GRM8: variants seen among roughly 807,000 people sequenced by gnomAD.
The protein encoded by GRM8 is metabotropic glutamate receptor 8.
Under a neutral mutation model 87.2 loss-of-function variants are expected in GRM8, and 47 were observed. The ratio of observed to expected loss-of-function variants is 0.54; its 90% CI spans 0.43 to 0.69. The LOEUF (loss-of-function observed/expected upper bound fraction) is 0.69, where lower values mean the gene tolerates loss of function less well. GRM8 is among the 30% of genes least tolerant of loss of function. The pLI is 0.00. For synonymous variants in GRM8, 396 were observed against 404.5 expected (o/e 0.98, Z 0.25); for missense variants, 1,019 against 1,139.2 (o/e 0.89, Z 1.52).
In GRM8 at chr7:126,685,664, T is replaced by A. The variant is rs1382516101; in HGVS notation, c.1358-76166A>T. Among the ~76,000 whole-genome samples the A allele has an allele frequency of 6.6e-6, 1 of 152,062 alleles. No homozygotes were observed. The highest frequency in any genetic ancestry group is 1.9e-4 in the East Asian group (1 of 5,144). Reference sequence around the variant, plus strand: ...AGTGACCCACCAACCCCTTGCTGCCTCGGCTCCCTCTAAACTTTGGCTGTG... The same window carrying A: ...AGTGACCCACCAACCCCTTGCTGCCACGGCTCCCTCTAAACTTTGGCTGTG... On this transcript the variant is annotated intron_variant, in intron 7 of 10. Coordinates refer to ENST00000339582, the MANE Select transcript of GRM8 (RefSeq NM_000845.3). The surrounding 1 kb of genome is among the most constrained non-coding windows in gnomAD (Gnocchi z 4.2).
chr7:126,564,703 AG>A (rs1433160029), intron 8 of GRM8, among the ~76,000 whole-genome samples: 5 of 152,174 alleles, frequency 3.3e-5, no homozygotes, highest in Admixed American at 2.6e-4. Context: ...AAAACTGAAG[AG>A]GAGAGAACAC....
In GRM8 at chr7:126,719,087, G is replaced by T. The variant is rs527717922; in HGVS notation, c.1357+50778C>A. ...AGATTAGCTACTGAAAAGGTGGGAG[G>T]GTTTAGAAAAATTATTAAAGCTCTG... On this transcript the variant is annotated intron_variant, in intron 7 of 10. Transcript: ENST00000339582. Among the ~76,000 whole-genome samples the T allele has an allele frequency of 7.9e-5, 12 of 151,992 alleles. No individual in the cohort carries two copies. The South Asian group carries it at 2.5e-3, about 32-fold the overall frequency.
chr7:127,141,955 C>G (rs1441997169), intron 2 of GRM8, among the ~76,000 whole-genome samples: 1 of 151,996 alleles, frequency 6.6e-6, no homozygotes, highest in Non-Finnish European at 1.5e-5. Flanking sequence ...GTCAAGAACT[C>G]TTAATACTAG....
intron 9 of GRM8, among the ~76,000 whole-genome samples, chr7:126,457,553 A>T (rs1803395744): frequency 6.6e-6 from 1 of 151,484 alleles, no homozygotes; most frequent in African/African-American, 2.4e-5. Context: ...TAAATAACAA[A>T]AGAAAATTGC....
chr7:126,881,534 G>C (rs930860279), intron 6 of GRM8, among the ~76,000 whole-genome samples: 6 of 152,184 alleles, frequency 3.9e-5, no homozygotes, highest in African/African-American at 1.4e-4. Context: ...AATGACAAGG[G>C]TCAGCTTCGC....
At chr7:127,026,665 T>C (rs1412243933) in intron 3 of GRM8, among the ~76,000 whole-genome samples, 2 of 152,220 alleles carry the variant, frequency 1.3e-5, no homozygotes, top group Non-Finnish European at 2.9e-5. Flanking sequence ...AAGTGTCTGT[T>C]CATATCCTTT....
intron 3 of GRM8, among the ~76,000 whole-genome samples, chr7:127,064,527 G>A (rs1333700994): frequency 6.6e-6 from 1 of 152,132 alleles, no homozygotes; most frequent in African/African-American, 2.4e-5. Context: ...CACATGAGAT[G>A]AGTTTCTTGA....
At chr7:127,153,957 AGAGGTACAAGTGAGGGGACGTGAG>A (rs1358805849) in intron 2 of GRM8, among the ~76,000 whole-genome samples, 1 of 152,132 alleles carries the variant, frequency 6.6e-6, no homozygotes, top group African/African-American at 2.4e-5. Context: ...CCAGCTGAGG[AGAGGTACAAGTGAGGGGACGTGAG>A]GAGCACGGGT....
chr7:126,522,592 G>A (rs912264253), intron 9 of GRM8, among the ~76,000 whole-genome samples: 2 of 152,148 alleles, frequency 1.3e-5, no homozygotes, highest in African/African-American at 4.8e-5. Flanking sequence ...GGAATATGTG[G>A]CCTCCCAGTT....
At chr7:126,944,460 G>A (rs114877564) in intron 3 of GRM8, among the ~76,000 whole-genome samples, 1 of 152,170 alleles carries the variant, frequency 6.6e-6, no homozygotes, top group Non-Finnish European at 1.5e-5. Context: ...GCTTTGAGGA[G>A]AGGATTGGGA....
intron 6 of GRM8, among the ~76,000 whole-genome samples, chr7:126,841,746 G>A (rs376558228): frequency 6.6e-6 from 1 of 151,568 alleles, no homozygotes. Flanking sequence ...TCCTGACTCA[G>A]CCTCCTGAGT....
At chr7:126,985,865 G>A (rs1447422743) in intron 3 of GRM8, among the ~76,000 whole-genome samples, 2 of 152,200 alleles carry the variant, frequency 1.3e-5, no homozygotes, top group East Asian at 1.9e-4. Context: ...TGGGGATTAA[G>A]TTTCAACATA....
At chr7:126,735,215 G>A (rs1348053947) in intron 7 of GRM8, among the ~76,000 whole-genome samples, 1 of 152,056 alleles carries the variant, frequency 6.6e-6, no homozygotes, top group Non-Finnish European at 1.5e-5. Flanking sequence ...ACAGATTAAT[G>A]TATGTATTCT....
rs1354232697 is a variant in GRM8 at position 126,770,052 on chromosome 7, A to C, written c.1170T>G (p.Ile390Met). The C allele has an allele frequency of 3.7e-6, 6 of 1,611,428 alleles. No homozygotes were observed. In the South Asian group the frequency reaches 6.6e-5, roughly 18 times the overall value. ...HIKKCTGLERIARDSSYEQEG... is the reference protein window; with the variant it reads ...HIKKCTGLERMARDSSYEQEG... ...CCTGTTCATAAGATGAATCCCGAGC[A>C]ATTCGCTCCAGCCCTGCAAAATAAA... The change falls in exon 7 of 11, where the codon ATT becomes ATG. Residue 390 changes from isoleucine (I) to methionine (M), a missense_variant. Coordinates refer to ENST00000339582, the MANE Select transcript of GRM8 (RefSeq NM_000845.3).
intron 9 of GRM8, among the ~76,000 whole-genome samples, chr7:126,469,947 T>A (rs1026390602): frequency 3.9e-5 from 6 of 152,102 alleles, no homozygotes; most frequent in African/African-American, 7.2e-5. Context: ...TGGGAAACTT[T>A]GGAGCTTCCT....
At chr7:126,849,998 C>T (rs577878640) in intron 6 of GRM8, among the ~76,000 whole-genome samples, 3 of 152,250 alleles carry the variant, frequency 2.0e-5, no homozygotes, top group African/African-American at 7.2e-5. Flanking sequence ...TACTACTTCA[C>T]CCTCCAGTTA....
chr7:126,616,839 C>G (rs1799551871), intron 7 of GRM8, among the ~76,000 whole-genome samples: 1 of 152,154 alleles, frequency 6.6e-6, no homozygotes, highest in African/African-American at 2.4e-5. Flanking sequence ...GAACTTGAAT[C>G]CCTGAACAGA....
intron 3 of GRM8, among the ~76,000 whole-genome samples, chr7:126,919,147 A>G (rs1437869923): frequency 6.6e-6 from 1 of 152,102 alleles, no homozygotes; most frequent in African/African-American, 2.4e-5. Context: ...CACTCATGGC[A>G]TGCTATCCTC....
intron 7 of GRM8, among the ~76,000 whole-genome samples, chr7:126,740,658 A>G (rs1485896833): frequency 1.3e-5 from 2 of 152,164 alleles, no homozygotes; most frequent in African/African-American, 4.8e-5. Flanking sequence ...CTTTGGAAAG[A>G]AAACTCTATC....
Sources: allele counts gnomAD v4.1 joint callset (sites outside exome capture counted in the v4.1 genomes callset), GRCh38; gene constraint gnomAD v4.1.1; non-coding constraint Gnocchi (gnomAD v3.1); transcripts MANE v1.5; gene names NCBI Gene and HGNC (gene_info 2026-07-23, HGNC 2026-07-21).